The following ZNF726 variants were observed in gnomAD, a reference collection of about 807,000 sequenced individuals.
ZNF726 encodes the protein zinc finger protein 726, also known as zinc finger protein 92 pseudogene 3.
In ZNF726, 15 loss-of-function variants were observed where a neutral mutation model predicts 11.6. That is an observed-to-expected ratio of 1.29 (90% CI 0.86 to 1.99). ZNF726 has a LOEUF of 1.99. Ranked by LOEUF, ZNF726 falls within the 30% of genes most tolerant of loss-of-function variation. ZNF726 has a pLI of 0.00. For synonymous variants in ZNF726, 295 were observed against 243.6 expected, an observed-to-expected ratio of 1.21 and a Z score of -1.96; for missense variants, 890 against 725.6, an observed-to-expected ratio of 1.23 and a Z score of -2.60.
At chr19:23,936,512 G>A (rs1968233797), downstream of ZNF726, among the ~76,000 whole-genome samples, 1 of 151,980 alleles carries the variant, frequency 6.6e-6, no homozygotes, top group South Asian at 2.1e-4. Context: ...AATTGTAGCT[G>A]CATTAAAGAT....
intron 3 of ZNF726, among the ~76,000 whole-genome samples, chr19:23,927,070 C>G (rs964689979): frequency 5.9e-5 from 9 of 151,744 alleles, no homozygotes; most frequent in Non-Finnish European, 1.0e-4. Context: ...CTCTGCCTCC[C>G]AGGTTCAAGC....
chr19:23,917,604 C>T (rs1967734812), intron 1 of ZNF726, among the ~76,000 whole-genome samples: 1 of 151,572 alleles, frequency 6.6e-6, no homozygotes, highest in South Asian at 2.1e-4. Flanking sequence ...ACTTCAGTTC[C>T]TTTTTTTTAG....
At position 23,933,397 on chromosome 19, in the gene ZNF726, T is replaced by A; in HGVS notation, c.1281T>A (p.Cys427Ter). The A allele has an allele frequency of 6.2e-7, 1 of 1,612,692 alleles. No homozygotes were observed. Among genetic ancestry groups the A allele is most frequent in the Non-Finnish European group, 8.5e-7 (1 of 1,179,622 alleles). ...IIHTGEKPYK[C>*]EECGKAFIWS... ...ATACTGGAGAGAAACCTTACAAGTG[T>A]GAAGAATGCGGCAAAGCGTTTATAT... is the stretch of plus-strand genomic sequence containing the variant. Residue 427 changes from cysteine to a stop codon, truncating the protein, a stop_gained, in exon 4 of 4, where the codon TGT becomes TGA. Coordinates refer to ENST00000594466, the MANE Select transcript of ZNF726 (RefSeq NM_001244038.2). LOFTEE classifies it low-confidence loss of function (END_TRUNC).
chr19:23,943,671 G>T, intron 4 of ZNF726: 1 of 453,186 alleles, frequency 2.2e-6, no homozygotes, highest in South Asian at 5.9e-5. Flanking sequence ...AATGTGATAT[G>T]GGATGCTCTG....
intron 3 of ZNF726, among the ~76,000 whole-genome samples, chr19:23,940,247 T>A (rs976543625): frequency 6.6e-6 from 1 of 152,202 alleles, no homozygotes; most frequent in African/African-American, 2.4e-5. Context: ...TAGCCAATTA[T>A]CCCAGCACCA....
At chr19:23,915,132 C>A in intron 1 of ZNF726, 135 bp downstream of exon 1, 2 of 1,357,216 alleles carry the variant, frequency 1.5e-6, no homozygotes, top group Middle Eastern at 1.8e-4. Flanking sequence ...CCAGCTCGGC[C>A]TCAGTCCCTT....
chr19:23,919,661 C>A, intron 2 of ZNF726, 162 bp downstream of exon 2: 1 of 890,398 alleles, frequency 1.1e-6, no homozygotes, highest in Non-Finnish European at 1.6e-6. Flanking sequence ...TTCATCCTGA[C>A]CTGAAATTTC....
Position 23,934,415 on chromosome 19 carries a change from A to T in ZNF726, c.*448A>T. The stretch of plus-strand genomic sequence containing the variant: ...ATGTGAAAAATGTGTCAAAGCCTTT[A>T]AGCAGTCTTCAATCCTGAGTAACCA... On this transcript the variant is annotated 3_prime_UTR_variant, in exon 4 of 4. Coordinates refer to ENST00000594466, the MANE Select transcript of ZNF726 (RefSeq NM_001244038.2). The T allele has an allele frequency of 2.1e-6, 1 of 478,340 alleles. No individual in the cohort carries two copies. Among genetic ancestry groups the T allele is most frequent in the Non-Finnish European group, 4.3e-6 (1 of 233,604 alleles). 29.6% of individuals were successfully genotyped at this position (478,340 alleles called of 1,614,324 possible).
At chr19:23,929,302 C>T (rs1179938997) in intron 3 of ZNF726, 1 of 152,088 alleles carries the variant, frequency 6.6e-6, no homozygotes, top group African/African-American at 2.4e-5. Flanking sequence ...GTGTATTCGT[C>T]TGTTTTTATG....
chr19:23,940,823 T>A (rs2145004351), intron 3 of ZNF726, among the ~76,000 whole-genome samples: 1 of 152,324 alleles, frequency 6.6e-6, no homozygotes, highest in South Asian at 2.1e-4. Flanking sequence ...ACTACTGATT[T>A]GTATACGTTA....
Position 23,932,512 on chromosome 19 carries a change from A to G in ZNF726, c.396A>G (p.Gly132=). 1 of 1,586,668 alleles carries G rather than the reference A, an allele frequency of 6.3e-7. No individual in the cohort carries two copies. The highest frequency in any genetic ancestry group is 1.2e-5 in the South Asian group (1 of 84,578). ...AGGTACACAAAGAAGGTTATAATGG[A>G]CTTAACCAGTGTTTCACAACTACCC... ...ECKVHKEGYN[G]LNQCFTTTQG... The change falls in exon 4 of 4, where the codon GGA becomes GGG. Residue 132 remains glycine, a synonymous_variant. Transcript: ENST00000594466.
chr19:23,941,569 T>A (rs1427292804), intron 3 of ZNF726, among the ~76,000 whole-genome samples: 1 of 152,108 alleles, frequency 6.6e-6, no homozygotes, highest in Non-Finnish European at 1.5e-5. Context: ...ATTCTTTGAA[T>A]ATCTGGTAGA....
intron 1 of ZNF726, chr19:23,919,158 ACAC>A (rs756772489): frequency 8.3e-6 from 5 of 598,896 alleles, no homozygotes; most frequent in Non-Finnish European, 1.3e-5. Flanking sequence ...TATCATATAT[ACAC>A]TGATGTTCTG....
downstream of ZNF726, among the ~76,000 whole-genome samples, chr19:23,939,140 G>C (rs924538987): frequency 6.9e-6 from 1 of 145,194 alleles, no homozygotes; most frequent in Non-Finnish European, 1.5e-5. Flanking sequence ...TCCCCCCCAA[G>C]TCTCCAAAGT....
intron 3 of ZNF726, among the ~76,000 whole-genome samples, chr19:23,939,862 A>ATT (rs374902806): frequency 0.012 from 1,012 of 87,096 alleles, 34 homozygotes; most frequent in Middle Eastern, 0.039. Flanking sequence ...TTTTGATGGG[A>ATT]TTTTTTTTTT....
chr19:23,931,457 C>T (rs182502563), intron 3 of ZNF726, among the ~76,000 whole-genome samples: 1 of 150,434 alleles, frequency 6.6e-6, no homozygotes, highest in Admixed American at 6.6e-5. Context: ...CAGTATTATT[C>T]AATTTATTAC....
At chr19:23,916,675 GA>G (rs1424353205) in intron 1 of ZNF726, among the ~76,000 whole-genome samples, 2 of 152,028 alleles carry the variant, frequency 1.3e-5, no homozygotes, top group Non-Finnish European at 2.9e-5. Flanking sequence ...CATTTACAAT[GA>G]TTTTTTTTCT....
In ZNF726 at chr19:23,932,904, G is replaced by T. The variant is rs1282252304; in HGVS notation, c.788G>T (p.Gly263Val). 6.2e-7 allele frequency: 1 copy of T among 1,610,048 alleles called. No homozygotes were observed. The highest frequency in any genetic ancestry group is 1.7e-5 in the Admixed American group (1 of 59,502). Residue 263 changes from glycine (G) to valine (V), a missense_variant, in exon 4 of 4, where the codon GGC becomes GTC. Transcript: ENST00000594466. ...AAGCCTTACAAGTGTGAAGAATGTG[G>T]CAAAGCATTTAGCCAATCCTCAACA... ...GEKPYKCEECGKAFSQSSTLT... is the reference protein window; with the variant it reads ...GEKPYKCEECVKAFSQSSTLT...
At chr19:23,926,104 T>C (rs1214032588) in intron 3 of ZNF726, among the ~76,000 whole-genome samples, 2 of 152,216 alleles carry the variant, frequency 1.3e-5, no homozygotes, top group African/African-American at 4.8e-5. Context: ...CTAGAATGCA[T>C]TATCCATCTT....
Sources: gnomAD v4.1 joint callset for allele counts (sites outside exome capture counted in the v4.1 genomes callset) on GRCh38, gnomAD v4.1.1 for gene constraint, MANE v1.5 for transcripts, NCBI Gene and HGNC (gene_info 2026-07-23, HGNC 2026-07-21) for gene names.